GCNT2: variants seen among roughly 807,000 people sequenced by gnomAD.
GCNT2 encodes N-acetyllactosaminide beta-1,6-N-acetylglucosaminyl-transferase.
A neutral mutation model predicts 34.2 loss-of-function variants in GCNT2; 34 were observed. The observed-to-expected ratio is 1.00, with a 90% confidence interval of 0.76 to 1.32. The LOEUF (loss-of-function observed/expected upper bound fraction) is 1.32, where lower values mean the gene tolerates loss of function less well. Ranked by LOEUF, GCNT2 falls within the 40% of genes most tolerant of loss-of-function variation. The pLI, the probability that GCNT2 is intolerant of heterozygous loss-of-function variation, is 0.00. For missense variants in GCNT2, 584 were observed against 489.4 expected (o/e 1.19, Z -1.82); for synonymous variants, 212 against 188.0 (o/e 1.13, Z -1.04).
intron 3 of GCNT2, chr6:10,556,585 A>C (rs1327232412): frequency 6.2e-7 from 1 of 1,614,066 alleles, no homozygotes; most frequent in African/African-American, 1.3e-5. Flanking sequence ...TTATCAATGG[A>C]AAAACACGTT....
chr6:10,549,384 T>A (rs928869859), intron 3 of GCNT2, among the ~76,000 whole-genome samples: 1 of 152,088 alleles, frequency 6.6e-6, no homozygotes, highest in Non-Finnish European at 1.5e-5. Context: ...GAGAATGGAA[T>A]TTTGGGTCAT....
At chr6:10,538,437 A>AATAT (rs1554127248) in intron 3 of GCNT2, among the ~76,000 whole-genome samples, 2,479 of 73,078 alleles carry the variant, frequency 0.034, 108 homozygotes, top group African/African-American at 0.1. Flanking sequence ...AAAAAAAAAA[A>AATAT]ATATATATAT....
intron 3 of GCNT2, 122 bp downstream of exon 3, chr6:10,529,958 TAAA>T (rs200010522): frequency 2.5e-6 from 2 of 794,424 alleles, no homozygotes; most frequent in Non-Finnish European, 4.0e-6. Flanking sequence ...AATGTCAAAT[TAAA>T]AAAAAAATTT....
intron 3 of GCNT2, among the ~76,000 whole-genome samples, chr6:10,618,370 A>T (rs965697677): frequency 6.6e-6 from 1 of 152,352 alleles, no homozygotes; most frequent in Middle Eastern, 3.4e-3. Flanking sequence ...TGTTCATTTT[A>T]TAAAGACAGC....
At chr6:10,523,972 CAAAAAAA>C (rs774638226) in intron 1 of GCNT2, among the ~76,000 whole-genome samples, 1 of 68,362 alleles carries the variant, frequency 1.5e-5, no homozygotes, top group African/African-American at 5.9e-5. Flanking sequence ...GACTCTGTCT[CAAAAAAA>C]AAAAAAAAAA....
chr6:10,549,606 C>G (rs1762405978), intron 3 of GCNT2, among the ~76,000 whole-genome samples: 1 of 120,880 alleles, frequency 8.3e-6, no homozygotes, highest in Non-Finnish European at 1.6e-5. Flanking sequence ...GGGTCTCGCT[C>G]TGTCACCCAG....
At position 10,540,657 on chromosome 6, in the gene GCNT2, A is replaced by G. The variant is rs577541599; in HGVS notation, c.925+10821A>G. On this transcript the variant is annotated intron_variant, in intron 3 of 4. Transcript: ENST00000495262. ...GAGTGGGCTTCCAATATCACTTTGC[A>G]TGAGGAACGGAGAAATGGAAGAGAA... Among the ~76,000 whole-genome samples the G allele has an allele frequency of 2.6e-5, 4 of 152,292 alleles. No homozygotes were observed. The East Asian group carries it at 7.7e-4, about 29-fold the overall frequency.
At chr6:10,567,328 A>G (rs913361234) in intron 3 of GCNT2, among the ~76,000 whole-genome samples, 2 of 152,118 alleles carry the variant, frequency 1.3e-5, no homozygotes, top group African/African-American at 4.8e-5. Context: ...ATGGTGGCAC[A>G]TGTCTGTGGT....
At chr6:10,587,999 A>G (rs1403377171) in intron 3 of GCNT2, among the ~76,000 whole-genome samples, 1 of 152,208 alleles carries the variant, frequency 6.6e-6, no homozygotes, top group African/African-American at 2.4e-5. Context: ...TATCATTGGC[A>G]TACTTTCAAG....
chr6:10,553,365 C>T (rs1185560351), intron 3 of GCNT2, among the ~76,000 whole-genome samples: 1 of 152,208 alleles, frequency 6.6e-6, no homozygotes, highest in African/African-American at 2.4e-5. Flanking sequence ...CTTAGCCTGG[C>T]ATGTAGCAAA....
At chr6:10,613,897 A>C (rs1283948883) in intron 3 of GCNT2, among the ~76,000 whole-genome samples, 1 of 152,140 alleles carries the variant, frequency 6.6e-6, no homozygotes, top group Non-Finnish European at 1.5e-5. Context: ...GAAGTTCCCT[A>C]ATCCCTAGGC....
At chr6:10,567,055 A>C (rs181340166) in intron 3 of GCNT2, among the ~76,000 whole-genome samples, 1 of 152,252 alleles carries the variant, frequency 6.6e-6, no homozygotes, top group Non-Finnish European at 1.5e-5. Flanking sequence ...GGCTAGACTT[A>C]TGCCTATAAT....
At chr6:10,549,563 CTTTTT>C (rs33909973) in intron 3 of GCNT2, among the ~76,000 whole-genome samples, 12 of 104,304 alleles carry the variant, frequency 1.2e-4, no homozygotes, top group African/African-American at 2.1e-4. Flanking sequence ...ATCTCTCTCT[CTTTTT>C]TTTTTTTTTT....
At chr6:10,601,943 G>A (rs528767273) in intron 3 of GCNT2, among the ~76,000 whole-genome samples, 2,000 of 112,408 alleles carry the variant, frequency 0.018, 62 homozygotes, top group African/African-American at 0.053. Flanking sequence ...TCCATCTCAA[G>A]AAAAAAAAAA....
chr6:10,545,359 T>C (rs1762224879), intron 3 of GCNT2, among the ~76,000 whole-genome samples: 1 of 152,162 alleles, frequency 6.6e-6, no homozygotes, highest in South Asian at 2.1e-4. Flanking sequence ...CTTTGGAGTT[T>C]TGTTTAAATC....
chr6:10,536,100 A>G (rs1387096866), intron 3 of GCNT2, among the ~76,000 whole-genome samples: 1 of 152,036 alleles, frequency 6.6e-6, no homozygotes, highest in Non-Finnish European at 1.5e-5. Flanking sequence ...GAGAGATGCA[A>G]ATTTGGGAGC....
At chr6:10,551,967 C>T (rs1762503589) in intron 3 of GCNT2, among the ~76,000 whole-genome samples, 1 of 151,844 alleles carries the variant, frequency 6.6e-6, no homozygotes, top group Non-Finnish European at 1.5e-5. Flanking sequence ...CCATGTTGGC[C>T]AGGCTGGTCT....
chr6:10,621,359 G>T lies in GCNT2; in HGVS notation c.934G>T (p.Gly312Cys). 6.2e-7 allele frequency: 1 copy of T among 1,608,652 alleles called. No homozygotes were observed. The change falls in exon 4 of 5, where the codon GGC (glycine) becomes TGC (cysteine). Residue 312 changes from glycine to cysteine, a missense_variant. Coordinates refer to ENST00000495262, the MANE Select transcript of GCNT2 (RefSeq NM_145649.5). ...VTLNRIPGVPGSMPNASWTGN... is the reference protein window; with the variant it reads ...VTLNRIPGVPCSMPNASWTGN... The stretch of plus-strand genomic sequence containing the variant: ...CTTTATCAACATTGCAGGTGTTCCT[G>T]GCTCTATGCCAAATGCATCCTGGAC...
At chr6:10,561,432 G>C (rs930316901) in intron 3 of GCNT2, among the ~76,000 whole-genome samples, 5 of 152,214 alleles carry the variant, frequency 3.3e-5, no homozygotes, top group Non-Finnish European at 7.3e-5. Context: ...AGAGTGCTGG[G>C]ATTACAGGTA....
Sources: gnomAD v4.1 joint callset for allele counts (sites outside exome capture counted in the v4.1 genomes callset) on GRCh38, gnomAD v4.1.1 for gene constraint, MANE v1.5 for transcripts, NCBI Gene and HGNC (gene_info 2026-07-23, HGNC 2026-07-21) for gene names.